DACH2: variants seen among roughly 807,000 people sequenced by gnomAD.
The protein encoded by DACH2 is dachshund family transcription factor 2.
DACH2 carries 17 observed loss-of-function variants against 35.8 expected under a neutral mutation model. That is an observed-to-expected ratio of 0.48 (90% confidence interval 0.33 to 0.71). DACH2 has a LOEUF of 0.71. Ranked by LOEUF, DACH2 falls within the 30% of genes least tolerant of loss-of-function variation. DACH2 has a pLI of 0.02. For missense variants in DACH2, 469 were observed against 472.7 expected, an observed-to-expected ratio of 0.99 and a Z score of 0.07; for synonymous variants, 195 against 177.3, an observed-to-expected ratio of 1.10 and a Z score of -0.79.
At chrX:86,691,411 A>G (rs890086313) in intron 4 of DACH2, among the ~76,000 whole-genome samples, 3 of 111,916 alleles carry the variant, frequency 2.7e-5, no homozygotes, top group East Asian at 2.8e-4. Flanking sequence ...CTCATTCTCC[A>G]TGATGTACTT....
At chrX:86,817,515 C>T (rs1163972739) in intron 11 of DACH2, among the ~76,000 whole-genome samples, 1 of 111,248 alleles carries the variant, frequency 9.0e-6, no homozygotes, top group Non-Finnish European at 1.9e-5. Context: ...CTTGATTGTG[C>T]CCTGCTTTGA....
chrX:86,162,690 A>G (rs978480916), intron 1 of DACH2, among the ~76,000 whole-genome samples: 4 of 111,469 alleles, frequency 3.6e-5, no homozygotes, highest in African/African-American at 9.8e-5. Flanking sequence ...GTGTTGTATT[A>G]AAGTAATATT....
chrX:86,595,530 T>C (rs1258448143), intron 3 of DACH2, among the ~76,000 whole-genome samples: 1 of 111,134 alleles, frequency 9.0e-6, no homozygotes, highest in African/African-American at 3.3e-5. Context: ...AAAGCAAGAG[T>C]TGGGCAGTCT....
intron 7 of DACH2, among the ~76,000 whole-genome samples, chrX:86,786,630 A>G (rs2042140160): frequency 1.8e-5 from 2 of 112,513 alleles, no homozygotes; most frequent in South Asian, 7.2e-4. Context: ...GTGCTTATAA[A>G]TAATTCTACA....
intron 2 of DACH2, among the ~76,000 whole-genome samples, chrX:86,404,312 C>A (rs2036487524): frequency 9.0e-6 from 1 of 111,600 alleles, no homozygotes; most frequent in African/African-American, 3.3e-5. Flanking sequence ...GGCCCCTCCA[C>A]CTATGAGCCT....
chrX:86,345,494 G>A, intron 1 of DACH2: 4 of 254,363 alleles, frequency 1.6e-5, no homozygotes, highest in Admixed American at 4.6e-5. Context: ...AAAGTTATGA[G>A]GAAGGAATAA....
chrX:86,223,048 A>G (rs1051089789), intron 1 of DACH2, among the ~76,000 whole-genome samples: 1 of 111,826 alleles, frequency 8.9e-6, no homozygotes, highest in African/African-American at 3.2e-5. Context: ...TGCCTCAAAA[A>G]CCAAAAAACC....
chrX:86,643,289 C>T (rs2040371022), intron 3 of DACH2, among the ~76,000 whole-genome samples: 1 of 108,484 alleles, frequency 9.2e-6, no homozygotes, highest in African/African-American at 3.4e-5. Context: ...AATGATACTA[C>T]TGACCCCACA....
intron 3 of DACH2, among the ~76,000 whole-genome samples, chrX:86,536,473 G>C (rs1269916268): frequency 8.9e-6 from 1 of 112,217 alleles, no homozygotes; most frequent in East Asian, 2.8e-4. Context: ...CTTTTCAAGA[G>C]AGTCTGACAA....
At position 86,498,198 on chromosome X, in the gene DACH2, A is replaced by T. The variant is rs1456353929; in HGVS notation, c.528-16081A>T. 8.0e-5 allele frequency among the ~76,000 whole-genome samples: 8 copies of T among 99,614 alleles called. No homozygotes were observed. The East Asian group carries it at 2.6e-3, about 33-fold the overall frequency. The allele number at this position is 99,614 out of a possible 115,157, so 86.5% of individuals were successfully genotyped here. A position where few individuals can be genotyped will look rare whatever the true frequency, so the allele number is the denominator to read the frequency against. ...GAGTACTTCTAGATTTATGGAAGGG[A>T]CTTAGGCCTCTTTTTTTTTAAAAGA... On this transcript the variant is annotated intron_variant, in intron 2 of 11. Coordinates refer to ENST00000373125, the MANE Select transcript of DACH2 (RefSeq NM_053281.3).
intron 4 of DACH2, among the ~76,000 whole-genome samples, chrX:86,681,166 A>G (rs1347202263): frequency 8.9e-6 from 1 of 111,741 alleles, no homozygotes; most frequent in Non-Finnish European, 1.9e-5. Context: ...CAAAACTGCA[A>G]CTTGAAAAGG....
At chrX:86,572,778 G>T (rs2039387900) in intron 3 of DACH2, among the ~76,000 whole-genome samples, 1 of 111,202 alleles carries the variant, frequency 9.0e-6, no homozygotes, top group Admixed American at 9.7e-5. Context: ...GTTTGATTCA[G>T]ATGTTGTGCC....
At chrX:86,755,191 A>G (rs2041815070) in intron 7 of DACH2, among the ~76,000 whole-genome samples, 1 of 111,409 alleles carries the variant, frequency 9.0e-6, no homozygotes, top group Admixed American at 9.6e-5. Context: ...TTTTTTTCAT[A>G]TATCTGTGGG....
intron 11 of DACH2, among the ~76,000 whole-genome samples, chrX:86,816,879 A>AT (rs1035083940): frequency 7.2e-5 from 8 of 111,872 alleles, no homozygotes; most frequent in Non-Finnish European, 1.1e-4. Flanking sequence ...AATAAAGAAC[A>AT]TTTTTATGAG....
chrX:86,806,446 G>A (rs1410664271), intron 7 of DACH2, among the ~76,000 whole-genome samples: 6 of 111,669 alleles, frequency 5.4e-5, no homozygotes, highest in Non-Finnish European at 7.5e-5. Context: ...TGAGATTTGT[G>A]TAGTGACACA....
intron 1 of DACH2, among the ~76,000 whole-genome samples, chrX:86,153,118 A>G (rs1313283159): frequency 9.0e-6 from 1 of 111,702 alleles, no homozygotes; most frequent in Non-Finnish European, 1.9e-5. Flanking sequence ...TTGTTTGAGG[A>G]CCAACTGATT....
At chrX:86,664,521 C>T (rs776081716) in intron 4 of DACH2, among the ~76,000 whole-genome samples, 54 of 111,558 alleles carry the variant, frequency 4.8e-4, no homozygotes, top group Non-Finnish European at 9.0e-4. Context: ...CTTCATAATA[C>T]GTTTAAAAAC....
At chrX:86,494,006 A>G (rs1157823604) in intron 2 of DACH2, among the ~76,000 whole-genome samples, 1 of 111,370 alleles carries the variant, frequency 9.0e-6, no homozygotes, top group African/African-American at 3.3e-5. Context: ...TTGGAGATCT[A>G]TTTGGTGCCG....
intron 4 of DACH2, among the ~76,000 whole-genome samples, chrX:86,675,033 T>A (rs984631887): frequency 2.7e-5 from 3 of 111,731 alleles, no homozygotes; most frequent in African/African-American, 9.8e-5. Flanking sequence ...TAAAAGATTA[T>A]CAAAAGCTTG....
Sources: gnomAD v4.1 joint callset for allele counts (sites outside exome capture counted in the v4.1 genomes callset) on GRCh38, gnomAD v4.1.1 for gene constraint, MANE v1.5 for transcripts, NCBI Gene and HGNC (gene_info 2026-07-23, HGNC 2026-07-21) for gene names.